The following XPO6 variants were observed in gnomAD, a reference collection of about 807,000 sequenced individuals.
XPO6 encodes exportin-6.
A neutral mutation model predicts 130.0 loss-of-function variants in XPO6; 3 were observed. The ratio of observed to expected loss-of-function variants is 0.02; its 90% CI spans 0.01 to 0.06. The LOEUF (loss-of-function observed/expected upper bound fraction) is 0.06, where lower values mean the gene tolerates loss of function less well. XPO6 is among the 10% of genes least tolerant of loss of function. The pLI is 1.00. For missense variants in XPO6, 970 were observed against 1,393.0 expected (o/e 0.70, Z 4.83); for synonymous variants, 524 against 548.9 (o/e 0.95, Z 0.63).
intron 12 of XPO6, among the ~76,000 whole-genome samples, chr16:28,131,604 T>C (rs932368283): frequency 5.3e-5 from 8 of 152,212 alleles, no homozygotes; most frequent in African/African-American, 1.9e-4. Context: ...TATACCATCA[T>C]GCGACTTGTA....
chr16:28,125,437 A>AGT (rs2087371869), intron 13 of XPO6, among the ~76,000 whole-genome samples: 1 of 152,268 alleles, frequency 6.6e-6, no homozygotes, highest in Admixed American at 6.5e-5. Context: ...TGCTAGGCAC[A>AGT]GTGCTAAGTG....
At chr16:28,131,772 G>A (rs1419855694) in intron 12 of XPO6, among the ~76,000 whole-genome samples, 1 of 152,194 alleles carries the variant, frequency 6.6e-6, no homozygotes, top group African/African-American at 2.4e-5. Flanking sequence ...CATGTAATGA[G>A]AGCTACAAAT....
In XPO6 at chr16:28,106,725, C is replaced by T. The variant is rs1677887667; in HGVS notation, c.2498-228G>A. Reference sequence around the variant, plus strand: ...GGAACCTCCACCTGGTGGCTCACTACAGGAAATGAAGGTCATCTCGAACCC... The same window carrying T: ...GGAACCTCCACCTGGTGGCTCACTATAGGAAATGAAGGTCATCTCGAACCC... On this transcript the variant is annotated intron_variant, in intron 18 of 23. Transcript: ENST00000304658. This position sits in a 1 kb window ranked among gnomAD's most constrained non-coding sequence, Gnocchi z 4.2. 6.6e-6 allele frequency among the ~76,000 whole-genome samples: 1 copy of T among 152,162 alleles called. No individual in the cohort carries two copies. The highest frequency in any genetic ancestry group is 2.4e-5 in the African/African-American group (1 of 41,420).
chr16:28,107,553 C>T lies in XPO6; in HGVS notation c.2466G>A (p.Leu822=). The stretch of plus-strand genomic sequence containing the variant: ...GATGGATAAAAGCTGGAAAGAGGGC[C>T]AGGGAGACCTGAACAGATTCCTGCA... ...QSLQESVQVS[L]ALFPAFIHQS... The change falls in exon 18 of 24, where the codon CTG becomes CTA. Residue 822 remains leucine (L), a synonymous_variant. Transcript: ENST00000304658. The T allele has an allele frequency of 6.2e-7, 1 of 1,614,212 alleles. No homozygotes were observed. The highest frequency in any genetic ancestry group is 8.5e-7 in the Non-Finnish European group (1 of 1,180,052).
intron 9 of XPO6, among the ~76,000 whole-genome samples, chr16:28,142,979 G>C (rs2042921725): frequency 6.6e-6 from 1 of 152,164 alleles, no homozygotes; most frequent in Admixed American, 6.6e-5. Flanking sequence ...CCAAAGTGCT[G>C]GGATTACAAG....
intron 4 of XPO6, among the ~76,000 whole-genome samples, chr16:28,170,557 T>G (rs1302143798): frequency 6.6e-6 from 1 of 152,198 alleles, no homozygotes; most frequent in Non-Finnish European, 1.5e-5. Context: ...GTTTTGTGTG[T>G]GTATGTATAT....
intron 17 of XPO6, among the ~76,000 whole-genome samples, chr16:28,107,917 G>C (rs1425383270): frequency 2.0e-5 from 3 of 152,126 alleles, no homozygotes; most frequent in Non-Finnish European, 4.4e-5. Flanking sequence ...GGGAGAAGAT[G>C]CCTGCCTGCC....
chr16:28,129,659 T>G (rs1434496227), intron 12 of XPO6, among the ~76,000 whole-genome samples: 2 of 152,188 alleles, frequency 1.3e-5, no homozygotes, highest in African/African-American at 2.4e-5. Context: ...GAGGGAGGTC[T>G]AAAAATTAGC....
chr16:28,206,680 A>G (rs2044035981), intron 1 of XPO6, among the ~76,000 whole-genome samples: 1 of 152,184 alleles, frequency 6.6e-6, no homozygotes, highest in Non-Finnish European at 1.5e-5. Flanking sequence ...ACCATATCAT[A>G]TACTAATTTT....
chr16:28,101,976 G>GC lies in XPO6; in HGVS notation c.2947-32dup. Reference sequence around the variant, plus strand: ...AAATGAGACCACCATTTTATAAACTGCAAGACCAAGCACTTCTGGAGCATC... The same window carrying GC: ...AAATGAGACCACCATTTTATAAACTGCCAAGACCAAGCACTTCTGGAGCATC... On this transcript the variant is annotated intron_variant, in intron 21 of 23. Coordinates refer to ENST00000304658, the MANE Select transcript of XPO6 (RefSeq NM_015171.4). The surrounding 1 kb of genome is among the most constrained non-coding windows in gnomAD (Gnocchi z 5.4). 1 of 1,572,856 alleles carries GC rather than the reference G, an allele frequency of 6.4e-7. No homozygotes were observed. Among genetic ancestry groups the GC allele is most frequent in the Non-Finnish European group, 8.7e-7 (1 of 1,144,550 alleles).
Position 28,180,923 on chromosome 16 carries a change from A to G in XPO6, c.94+18T>C, listed in dbSNP as rs1704036659. 6.2e-7 allele frequency: 1 copy of G among 1,604,834 alleles called. No homozygotes were observed. Among genetic ancestry groups the G allele is most frequent in the Non-Finnish European group, 8.5e-7 (1 of 1,174,816 alleles). On this transcript the variant is annotated intron_variant, in intron 2 of 23. Transcript: ENST00000304658. ...TCCTCATTATAAATTCCTCTTTACA[A>G]GTCAATGCTCCACTTACCTATCTCA...
At chr16:28,188,558 G>C (rs3922800) in intron 1 of XPO6, among the ~76,000 whole-genome samples, 43,487 of 151,122 alleles carry the variant, frequency 0.29, 6,352 homozygotes, top group Middle Eastern at 0.33. Flanking sequence ...CAACACATGC[G>C]ATTAGCAAAG....
At chr16:28,185,755 A>C (rs1033255174) in intron 1 of XPO6, among the ~76,000 whole-genome samples, 3 of 152,184 alleles carry the variant, frequency 2.0e-5, no homozygotes, top group Non-Finnish European at 4.4e-5. Context: ...AAGGTATTAC[A>C]ACCCCATAAG....
intron 1 of XPO6, 67 bp downstream of exon 1, chr16:28,211,299 C>G (rs759603683): frequency 3.8e-6 from 5 of 1,302,746 alleles, no homozygotes; most frequent in Non-Finnish European, 3.9e-6. Flanking sequence ...GCTCAGCAGC[C>G]CCGGGGCCCA....
chr16:28,107,423 G>T, intron 18 of XPO6, 99 bp downstream of exon 18: 2 of 1,392,324 alleles, frequency 1.4e-6, no homozygotes, highest in Non-Finnish European at 2.0e-6. Context: ...ACAAGTCAAG[G>T]CCTGTACTGC....
chr16:28,130,613 G>A (rs954831851), intron 12 of XPO6, among the ~76,000 whole-genome samples: 4 of 152,242 alleles, frequency 2.6e-5, no homozygotes, highest in Admixed American at 1.3e-4. Flanking sequence ...TCTGGCCTGG[G>A]AGGTTTTGCC....
intron 9 of XPO6, among the ~76,000 whole-genome samples, chr16:28,143,322 T>C (rs924457855): frequency 6.6e-6 from 1 of 152,236 alleles, no homozygotes; most frequent in African/African-American, 2.4e-5. Flanking sequence ...TCATCATTGC[T>C]GTTGTCATCA....
At position 28,133,899 on chromosome 16, in the gene XPO6, C is replaced by A; in HGVS notation, c.1478G>T (p.Ser493Ile). 6.2e-7 allele frequency: 1 copy of A among 1,614,068 alleles called. No homozygotes were observed. The highest frequency in any genetic ancestry group is 8.5e-7 in the Non-Finnish European group (1 of 1,180,002). ...CATCACTTTGGCCACCACCTCCAAG[C>A]TCTGCCGTAAGTACCGCTGCCACTC... ...QTEWQRYLRQ[S>I]LEVVAKVMEL... Residue 493 changes from serine (S) to isoleucine (I), a missense_variant, in exon 11 of 24, where the codon AGC becomes ATC. Ser to Ile is a moderately radical substitution (Grantham distance 142, BLOSUM62 -2). Transcript: ENST00000304658.
Position 28,098,091 on chromosome 16 carries a change from C to A in XPO6, c.*447G>T, listed in dbSNP as rs566589661. On this transcript the variant is annotated 3_prime_UTR_variant, in exon 24 of 24. Transcript: ENST00000304658. ...AACGTGAGTCTTTGCAAATCTCTGACAAAGAGCAGAGATCTCAAGGCAATT... is the reference window on the plus strand; with the variant it reads ...AACGTGAGTCTTTGCAAATCTCTGAAAAAGAGCAGAGATCTCAAGGCAATT... 8.5e-4 allele frequency: 134 copies of A among 157,078 alleles called. No homozygotes were observed. Among genetic ancestry groups the A allele is most frequent in the Non-Finnish European group, 1.4e-3 (103 of 71,164 alleles). The allele number at this position is 157,078 out of a possible 1,614,324, so 9.7% of individuals were successfully genotyped here. A position where few individuals can be genotyped will look rare whatever the true frequency, so the allele number is the denominator to read the frequency against.
Sources: allele counts gnomAD v4.1 joint callset (sites outside exome capture counted in the v4.1 genomes callset), GRCh38; gene constraint gnomAD v4.1.1; non-coding constraint Gnocchi (gnomAD v3.1); transcripts MANE v1.5; gene names NCBI Gene and HGNC (gene_info 2026-07-23, HGNC 2026-07-21).